SDK1: variants seen among roughly 807,000 people sequenced by gnomAD.
SDK1 encodes the protein sidekick cell adhesion molecule 1.
SDK1 carries 157 observed loss-of-function variants against 245.5 expected under a neutral mutation model. The observed-to-expected ratio is 0.64, with a 90% CI of 0.56 to 0.73. The LOEUF is 0.73. Among genes scored for constraint, SDK1 ranks in the 30% least tolerant of loss-of-function variants. The probability of loss-of-function intolerance (pLI) is 0.00; values close to 1 mark genes in which losing one functional copy is unlikely to be tolerated. For missense variants in SDK1, 3,583 were observed against 3,002.3 expected, an observed-to-expected ratio of 1.19 and a Z score of -4.52; for synonymous variants, 1,647 against 1,278.5, an observed-to-expected ratio of 1.29 and a Z score of -6.15.
At chr7:4,152,354 A>G (rs979808638) in intron 30 of SDK1, among the ~76,000 whole-genome samples, 3 of 152,184 alleles carry the variant, frequency 2.0e-5, no homozygotes, top group African/African-American at 7.2e-5. Flanking sequence ...CACAGCCCCG[A>G]GGGTCAGGGG....
intron 1 of SDK1, among the ~76,000 whole-genome samples, chr7:3,431,444 T>C (rs1444897430): frequency 6.6e-6 from 1 of 150,656 alleles, no homozygotes; most frequent in Non-Finnish European, 1.5e-5. Flanking sequence ...AGATGATTAC[T>C]CTGAAAACAT....
intron 4 of SDK1, among the ~76,000 whole-genome samples, chr7:3,789,168 A>T (rs187291116): frequency 6.6e-6 from 1 of 151,686 alleles, no homozygotes; most frequent in African/African-American, 2.4e-5. Context: ...TTTTTTTTGG[A>T]CGGAGTTTCA....
At chr7:4,229,979 T>A (rs1562459502) in intron 40 of SDK1, among the ~76,000 whole-genome samples, 1 of 144,038 alleles carries the variant, frequency 6.9e-6, no homozygotes, top group African/African-American at 2.6e-5. Context: ...GATGGGTGGA[T>A]GGGTGGAAGG....
chr7:3,702,704 G>C (rs951403055), intron 4 of SDK1, among the ~76,000 whole-genome samples: 2 of 152,118 alleles, frequency 1.3e-5, no homozygotes, highest in African/African-American at 4.8e-5. Context: ...ACTAGTATTG[G>C]AGATCACATA....
intron 1 of SDK1, among the ~76,000 whole-genome samples, chr7:3,515,120 G>C (rs1377754145): frequency 6.6e-6 from 1 of 152,066 alleles, no homozygotes; most frequent in East Asian, 1.9e-4. Flanking sequence ...TGGTCTTGGT[G>C]GGGAGGAGAC....
intron 1 of SDK1, among the ~76,000 whole-genome samples, chr7:3,394,612 GA>G (rs60967243): frequency 0.12 from 18,260 of 151,940 alleles, 1,312 homozygotes; most frequent in African/African-American, 0.2. Flanking sequence ...AATTTGGGGA[GA>G]ATTGCCATTT....
At chr7:4,234,074 C>G (rs373961386) in intron 41 of SDK1, among the ~76,000 whole-genome samples, 2 of 152,290 alleles carry the variant, frequency 1.3e-5, no homozygotes, top group Non-Finnish European at 1.5e-5. Context: ...GCAAGAACCA[C>G]CCCGGCAGCT....
At chr7:4,220,316 C>T (rs754072034) in intron 39 of SDK1, 46 bp downstream of exon 39, 5 of 1,576,248 alleles carry the variant, frequency 3.2e-6, no homozygotes, top group South Asian at 1.1e-5. Flanking sequence ...CAACTTTAGC[C>T]TCCCGCCTCC....
intron 5 of SDK1, among the ~76,000 whole-genome samples, chr7:3,923,359 A>G (rs1425681731): frequency 1.3e-5 from 2 of 152,090 alleles, no homozygotes; most frequent in African/African-American, 4.8e-5. Flanking sequence ...CTGTATTGAG[A>G]GCCTACAGTT....
At chr7:3,673,764 A>T (rs141269518) in intron 4 of SDK1, among the ~76,000 whole-genome samples, 2,321 of 152,316 alleles carry the variant, frequency 0.015, 28 homozygotes, top group Middle Eastern at 0.031. Context: ...TCAGTTCATT[A>T]TGTGGCAGGC....
chr7:3,914,205 G>A (rs1426931928), intron 5 of SDK1, among the ~76,000 whole-genome samples: 10 of 152,182 alleles, frequency 6.6e-5, no homozygotes, highest in African/African-American at 1.9e-4. Flanking sequence ...GGTGCAAGTT[G>A]CTGCTGCAAT....
intron 4 of SDK1, among the ~76,000 whole-genome samples, chr7:3,728,424 C>T (rs1380151838): frequency 1.3e-5 from 2 of 152,204 alleles, no homozygotes; most frequent in East Asian, 3.9e-4. Context: ...GCGGGATGTG[C>T]TCACCACCTC....
At chr7:3,878,570 A>G (rs943959046) in intron 5 of SDK1, among the ~76,000 whole-genome samples, 3 of 152,206 alleles carry the variant, frequency 2.0e-5, no homozygotes, top group Non-Finnish European at 4.4e-5. Flanking sequence ...TTTAACCACA[A>G]ACGAAGTTCT....
At chr7:3,428,149 A>G (rs1371173680) in intron 1 of SDK1, among the ~76,000 whole-genome samples, 2 of 152,210 alleles carry the variant, frequency 1.3e-5, no homozygotes, top group Non-Finnish European at 2.9e-5. Flanking sequence ...ACAGTGACCA[A>G]TCACTGACAG....
At chr7:3,596,945 T>G (rs888873057) in intron 1 of SDK1, among the ~76,000 whole-genome samples, 1 of 152,122 alleles carries the variant, frequency 6.6e-6, no homozygotes, top group Admixed American at 6.5e-5. Flanking sequence ...GTTTGAACAC[T>G]GGCCGCCTGT....
rs1779247941 is a variant in SDK1 at position 3,412,721 on chromosome 7, A to T, written c.298+110837A>T. 1.3e-5 allele frequency among the ~76,000 whole-genome samples: 2 copies of T among 152,158 alleles called. 1 individual carries two copies. Among genetic ancestry groups the T allele is most frequent in the South Asian group, 4.2e-4 (2 of 4,818 alleles). ...TTCTCCATAGGTTGCGAGTGTATGA[A>T]AGACTTACTTCCAAGCCAGTCTCTT... On this transcript the variant is annotated intron_variant, in intron 1 of 44. Transcript: ENST00000404826.
chr7:3,308,618 C>G (rs1270161422), intron 1 of SDK1, among the ~76,000 whole-genome samples: 1 of 152,038 alleles, frequency 6.6e-6, no homozygotes, highest in Non-Finnish European at 1.5e-5. Flanking sequence ...ACTATAGTTT[C>G]TGCAGTGTTT....
At chr7:4,159,764 A>C (rs926996297) in intron 31 of SDK1, among the ~76,000 whole-genome samples, 1 of 152,230 alleles carries the variant, frequency 6.6e-6, no homozygotes, top group Non-Finnish European at 1.5e-5. Flanking sequence ...AAAAGTTAAA[A>C]ATACAAATTA....
intron 1 of SDK1, among the ~76,000 whole-genome samples, chr7:3,470,554 A>G (rs1230191419): frequency 6.6e-6 from 1 of 152,222 alleles, no homozygotes; most frequent in Non-Finnish European, 1.5e-5. Context: ...CTTAGTCAGT[A>G]AGAAAACCTT....
Sources: allele counts gnomAD v4.1 joint callset (sites outside exome capture counted in the v4.1 genomes callset), GRCh38; gene constraint gnomAD v4.1.1; transcripts MANE v1.5; gene names NCBI Gene and HGNC (gene_info 2026-07-23, HGNC 2026-07-21).